KCNIP1: variants seen among roughly 807,000 people sequenced by gnomAD.
KCNIP1 encodes the protein potassium voltage-gated channel interacting protein 1.
KCNIP1 carries 18 observed loss-of-function variants against 33.0 expected under a neutral mutation model. That is an observed-to-expected ratio of 0.55 (90% confidence interval 0.38 to 0.81). The LOEUF (loss-of-function observed/expected upper bound fraction) is 0.81, where lower values mean the gene tolerates loss of function less well. Among genes scored for constraint, KCNIP1 ranks in the 30% least tolerant of loss-of-function variants. The pLI is 0.00. For synonymous variants in KCNIP1, 93 were observed against 98.3 expected (o/e 0.95, Z 0.32); for missense variants, 238 against 271.6 (o/e 0.88, Z 0.87).
At chr5:170,413,836 A>C (rs1755258056) in intron 1 of KCNIP1, among the ~76,000 whole-genome samples, 2 of 151,722 alleles carry the variant, frequency 1.3e-5, no homozygotes, top group Non-Finnish European at 2.9e-5. Flanking sequence ...TCTCTCTTAC[A>C]TGGGGAAATC....
At chr5:170,669,401 C>G (rs554433169) in intron 1 of KCNIP1, 2 of 429,872 alleles carry the variant, frequency 4.7e-6, no homozygotes, top group East Asian at 1.6e-4. Context: ...ACTGTCCTTA[C>G]TTGAATATTC....
intron 1 of KCNIP1, among the ~76,000 whole-genome samples, chr5:170,706,688 T>C (rs980483393): frequency 1.3e-5 from 2 of 152,194 alleles, no homozygotes; most frequent in Admixed American, 1.3e-4. Flanking sequence ...GAGATAATAC[T>C]ATTCTTGTGG....
At chr5:170,393,378 T>C (rs1341220973) in intron 1 of KCNIP1, among the ~76,000 whole-genome samples, 1 of 152,222 alleles carries the variant, frequency 6.6e-6, no homozygotes, top group Non-Finnish European at 1.5e-5. Context: ...AGCCCCTGTG[T>C]GTGCCTCTCT....
chr5:170,625,505 G>A (rs1759788166), intron 1 of KCNIP1, among the ~76,000 whole-genome samples: 1 of 152,188 alleles, frequency 6.6e-6, no homozygotes. Context: ...CCCCTCTATG[G>A]AAGGGAAGGA....
chr5:170,354,202 G>C (rs1763285279), intron 1 of KCNIP1, among the ~76,000 whole-genome samples: 1 of 152,192 alleles, frequency 6.6e-6, no homozygotes, highest in African/African-American at 2.4e-5. Context: ...GGAGTTGGTG[G>C]TGTGTGGCTG....
chr5:170,578,302 G>A (rs1757673626), intron 1 of KCNIP1, among the ~76,000 whole-genome samples: 1 of 152,168 alleles, frequency 6.6e-6, no homozygotes, highest in African/African-American at 2.4e-5. Context: ...CATTGAATGA[G>A]GTGAGATTCA....
intron 1 of KCNIP1, among the ~76,000 whole-genome samples, chr5:170,572,216 T>G (rs1249219244): frequency 1.3e-5 from 2 of 152,210 alleles, no homozygotes; most frequent in African/African-American, 4.8e-5. Flanking sequence ...AATGTCCCAA[T>G]TTTTAAGAGC....
chr5:170,480,716 T>C (rs1756958859), intron 1 of KCNIP1, among the ~76,000 whole-genome samples: 2 of 152,104 alleles, frequency 1.3e-5, no homozygotes, highest in South Asian at 4.1e-4. Flanking sequence ...ACTGCTGGGA[T>C]TACAGGCGTG....
chr5:170,733,718 T>G (rs1480463062), intron 6 of KCNIP1, 118 bp from the exon 7 acceptor site: 1 of 799,274 alleles, frequency 1.3e-6, no homozygotes, highest in Non-Finnish European at 2.0e-6. Flanking sequence ...AGTTGGTTAA[T>G]GAAATGAATG....
chr5:170,619,150 A>T (rs1041905525), intron 1 of KCNIP1, among the ~76,000 whole-genome samples: 5 of 152,238 alleles, frequency 3.3e-5, no homozygotes, highest in Non-Finnish European at 7.3e-5. Flanking sequence ...CCCTGTATCA[A>T]TGAAAGAATC....
intron 1 of KCNIP1, among the ~76,000 whole-genome samples, chr5:170,356,325 A>G (rs1003470602): frequency 1.8e-4 from 28 of 152,142 alleles, no homozygotes; most frequent in African/African-American, 4.6e-4. Flanking sequence ...AATGTGTTGG[A>G]CCAGGTACCT....
chr5:170,683,409 C>T (rs1231784760), intron 1 of KCNIP1, among the ~76,000 whole-genome samples: 1 of 152,164 alleles, frequency 6.6e-6, no homozygotes, highest in Non-Finnish European at 1.5e-5. Context: ...AAATTTCACC[C>T]TCTGTTCTGT....
At chr5:170,498,641 A>G (rs1231135309) in intron 1 of KCNIP1, among the ~76,000 whole-genome samples, 1 of 152,178 alleles carries the variant, frequency 6.6e-6, no homozygotes, top group African/African-American at 2.4e-5. Flanking sequence ...TTATTGATCC[A>G]TATATTTAGA....
chr5:170,677,756 TC>T (rs1488376869), intron 1 of KCNIP1, among the ~76,000 whole-genome samples: 1 of 151,912 alleles, frequency 6.6e-6, no homozygotes, highest in Non-Finnish European at 1.5e-5. Context: ...CTGACACACA[TC>T]ATCCTCACCT....
At chr5:170,674,544 T>C (rs1561757049) in intron 1 of KCNIP1, among the ~76,000 whole-genome samples, 1 of 152,126 alleles carries the variant, frequency 6.6e-6, no homozygotes, top group African/African-American at 2.4e-5. Context: ...CAGACCTACA[T>C]CTGCACCTGT....
At chr5:170,465,477 G>A (rs567755369) in intron 1 of KCNIP1, among the ~76,000 whole-genome samples, 81 of 152,274 alleles carry the variant, frequency 5.3e-4, no homozygotes, top group African/African-American at 1.9e-3. Flanking sequence ...ACTGGCCTCC[G>A]AAGCATTTGC....
chr5:170,382,308 T>A (rs1764275056), intron 1 of KCNIP1, among the ~76,000 whole-genome samples: 1 of 152,216 alleles, frequency 6.6e-6, no homozygotes, highest in African/African-American at 2.4e-5. Flanking sequence ...TCCACCTTGA[T>A]ATGTCTAGTG....
intron 1 of KCNIP1, among the ~76,000 whole-genome samples, chr5:170,705,708 T>A (rs1300948077): frequency 6.6e-6 from 1 of 152,202 alleles, no homozygotes; most frequent in African/African-American, 2.4e-5. Context: ...AATTGAGTTG[T>A]GTCTCTGACA....
intron 5 of KCNIP1, among the ~76,000 whole-genome samples, chr5:170,726,743 T>TATAAAAA (rs1764019336): frequency 3.5e-5 from 1 of 28,628 alleles, no homozygotes; most frequent in Non-Finnish European, 6.6e-5. Flanking sequence ...CTACTAAAAA[T>TATAAAAA]ACAAAAAAAA....
Sources: gnomAD v4.1 joint callset for allele counts (sites outside exome capture counted in the v4.1 genomes callset) on GRCh38, gnomAD v4.1.1 for gene constraint, MANE v1.5 for transcripts, NCBI Gene and HGNC (gene_info 2026-07-23, HGNC 2026-07-21) for gene names.